The following TENM1 variants were observed in gnomAD, a reference collection of about 807,000 sequenced individuals.
The protein encoded by TENM1 is teneurin-1.
In TENM1, 35 loss-of-function variants were observed where a neutral mutation model predicts 174.8. That is an observed-to-expected ratio of 0.20 (90% confidence interval 0.15 to 0.27). The LOEUF is 0.27. Among genes scored for constraint, TENM1 ranks in the 10% least tolerant of loss-of-function variants. The pLI is 1.00. For missense variants in TENM1, 1,633 were observed against 2,130.1 expected, an observed-to-expected ratio of 0.77 and a Z score of 4.59; for synonymous variants, 781 against 798.7, an observed-to-expected ratio of 0.98 and a Z score of 0.37.
At chrX:125,140,705 A>G in the TENM1 span, among the ~76,000 whole-genome samples, 1 of 112,299 alleles carries the variant, frequency 8.9e-6, no homozygotes, top group African/African-American at 3.2e-5. Flanking sequence ...AATATATCAC[A>G]TGTATCCTAT....
chrX:124,758,196 A>C (rs1235881971), intron 3 of TENM1, among the ~76,000 whole-genome samples: 1 of 112,047 alleles, frequency 8.9e-6, no homozygotes, highest in Non-Finnish European at 1.9e-5. Flanking sequence ...AAACAGAAAA[A>C]CTAAACAACT....
the TENM1 span, among the ~76,000 whole-genome samples, chrX:124,978,673 G>A: frequency 9.0e-6 from 1 of 111,699 alleles, no homozygotes; most frequent in Non-Finnish European, 1.9e-5. Flanking sequence ...TAGCATTGTG[G>A]CTGGTCAATG....
the TENM1 span, among the ~76,000 whole-genome samples, chrX:125,057,538 T>G: frequency 9.0e-6 from 1 of 111,642 alleles, no homozygotes; most frequent in African/African-American, 3.2e-5. Context: ...TTTATGTTTA[T>G]AATTCCATTT....
At chrX:124,572,220 T>A (rs1474939887) in intron 11 of TENM1, among the ~76,000 whole-genome samples, 1 of 111,820 alleles carries the variant, frequency 8.9e-6, no homozygotes, top group African/African-American at 3.2e-5. Flanking sequence ...TATATAGAAG[T>A]CACAGCCAAA....
intron 1 of TENM1, among the ~76,000 whole-genome samples, chrX:124,897,659 A>G (rs1182989154): frequency 8.9e-6 from 1 of 112,605 alleles, no homozygotes; most frequent in Admixed American, 9.4e-5. Context: ...AGCTACTATA[A>G]TGTATTAGAA....
chrX:125,052,981 C>A, the TENM1 span, among the ~76,000 whole-genome samples: 1 of 111,861 alleles, frequency 8.9e-6, no homozygotes, highest in African/African-American at 3.2e-5. Flanking sequence ...AAATGATTAC[C>A]ATAATCAAGC....
At chrX:124,977,965 TGTGAGAGAGAGA>T in the TENM1 span, among the ~76,000 whole-genome samples, 596 of 14,492 alleles carry the variant, frequency 0.041, 2 homozygotes, top group Non-Finnish European at 0.054. Flanking sequence ...TGTGTGTGTG[TGTGAGAGAGAGA>T]GAGAGAGAGA....
chrX:124,501,069 C>T (rs1027429399), intron 19 of TENM1, among the ~76,000 whole-genome samples: 1 of 111,130 alleles, frequency 9.0e-6, no homozygotes, highest in African/African-American at 3.3e-5. Context: ...CTAGATTGTT[C>T]TTTTTAATAA....
Position 124,736,939 on chromosome X carries a change from C to G in TENM1, c.776+18G>C. The G allele has an allele frequency of 8.4e-7, 1 of 1,191,715 alleles. No individual in the cohort carries two copies. On this transcript the variant is annotated intron_variant, in intron 4 of 31. Coordinates refer to ENST00000422452, the Ensembl canonical transcript of TENM1. Reference sequence around the variant, plus strand: ...TGCCAATACTTAAGTTTAGTGGGATCAATAATAGCTCAAGTACCTGGTCTC... The same window carrying G: ...TGCCAATACTTAAGTTTAGTGGGATGAATAATAGCTCAAGTACCTGGTCTC...
At chrX:124,831,293 A>G (rs1294581543) in intron 3 of TENM1, among the ~76,000 whole-genome samples, 1 of 111,763 alleles carries the variant, frequency 8.9e-6, no homozygotes, top group African/African-American at 3.3e-5. Flanking sequence ...CTGAAAGTTC[A>G]GCTGATTTAA....
chrX:124,595,989 A>C (rs768410453), intron 11 of TENM1, among the ~76,000 whole-genome samples: 1 of 112,412 alleles, frequency 8.9e-6, no homozygotes, highest in East Asian at 2.8e-4. Flanking sequence ...AAGTTTTTTC[A>C]ATTTAAATAT....
chrX:125,071,126 C>T, the TENM1 span, among the ~76,000 whole-genome samples: 1 of 111,623 alleles, frequency 9.0e-6, no homozygotes, highest in Non-Finnish European at 1.9e-5. Context: ...CAGCTATGTT[C>T]CTAACCAAAT....
At chrX:124,953,199 T>C (rs1362779810) in intron 1 of TENM1, among the ~76,000 whole-genome samples, 2 of 112,100 alleles carry the variant, frequency 1.8e-5, no homozygotes, top group African/African-American at 3.2e-5. Flanking sequence ...TGACTGTTAA[T>C]ATGAAATATT....
At chrX:124,694,448 C>T (rs1295409593) in intron 5 of TENM1, among the ~76,000 whole-genome samples, 1 of 111,451 alleles carries the variant, frequency 9.0e-6, no homozygotes, top group Non-Finnish European at 1.9e-5. Context: ...TTATCTATCT[C>T]CTATTTATGT....
At chrX:124,489,863 C>T (rs1296421069) in intron 20 of TENM1, among the ~76,000 whole-genome samples, 1 of 111,369 alleles carries the variant, frequency 9.0e-6, no homozygotes, top group Non-Finnish European at 1.9e-5. Context: ...GCCCTTCCTG[C>T]TCCTCTTTCC....
At chrX:124,519,019 G>A (rs1249154404) in intron 18 of TENM1, among the ~76,000 whole-genome samples, 1 of 112,213 alleles carries the variant, frequency 8.9e-6, no homozygotes. Context: ...CATAGAATGT[G>A]AAGAGCTGAG....
At chrX:125,088,170 C>G in the TENM1 span, among the ~76,000 whole-genome samples, 1 of 111,295 alleles carries the variant, frequency 9.0e-6, no homozygotes, top group Non-Finnish European at 1.9e-5. Flanking sequence ...CCTCAAAAAT[C>G]CAAACCCCAA....
chrX:124,766,470 T>A (rs1382322490), intron 3 of TENM1, among the ~76,000 whole-genome samples: 1 of 111,724 alleles, frequency 9.0e-6, no homozygotes, highest in Non-Finnish European at 1.9e-5. Flanking sequence ...ATATTTTAAC[T>A]GTGGGAAACG....
At chrX:124,942,451 C>T (rs760995864) in intron 1 of TENM1, among the ~76,000 whole-genome samples, 5 of 111,673 alleles carry the variant, frequency 4.5e-5, no homozygotes, top group Non-Finnish European at 9.4e-5. Flanking sequence ...CCCCCCGCCC[C>T]GCAGGGCTCA....
Sources: allele counts gnomAD v4.1 joint callset (sites outside exome capture counted in the v4.1 genomes callset), GRCh38; gene constraint gnomAD v4.1.1; transcripts MANE v1.5; gene names NCBI Gene and HGNC (gene_info 2026-07-23, HGNC 2026-07-21).